The following ADGRG7 variants were observed in gnomAD, a reference collection of about 807,000 sequenced individuals.
ADGRG7 encodes the protein G-protein coupled receptor 128.
In ADGRG7, 82 loss-of-function variants were observed where a neutral mutation model predicts 88.6. That is an observed-to-expected ratio of 0.93 (90% confidence interval 0.77 to 1.11). ADGRG7 has a LOEUF of 1.11. ADGRG7 is among the 50% of genes most tolerant of loss of function. ADGRG7 has a pLI of 0.00. For synonymous variants in ADGRG7, 381 were observed against 345.2 expected (o/e 1.10, Z -1.15); for missense variants, 945 against 953.4 (o/e 0.99, Z 0.12).
intron 15 of ADGRG7, among the ~76,000 whole-genome samples, chr3:100,689,805 A>C (rs1318461411): frequency 6.6e-6 from 1 of 152,076 alleles, no homozygotes; most frequent in Non-Finnish European, 1.5e-5. Context: ...GCTGCCCTTA[A>C]CATTTTTTCC....
chr3:100,623,418 T>C (rs575709236), intron 1 of ADGRG7, among the ~76,000 whole-genome samples: 4 of 152,248 alleles, frequency 2.6e-5, no homozygotes, highest in Non-Finnish European at 4.4e-5. Flanking sequence ...TTCTACTTCA[T>C]TGATGTATTT....
chr3:100,687,282 A>C (rs1334035738), intron 15 of ADGRG7, among the ~76,000 whole-genome samples: 4 of 152,194 alleles, frequency 2.6e-5, no homozygotes, highest in Admixed American at 6.5e-5. Context: ...TTGGGCTGAG[A>C]TGATGGGGTT....
chr3:100,658,271 T>C (rs1446091255), intron 13 of ADGRG7, among the ~76,000 whole-genome samples: 1 of 152,220 alleles, frequency 6.6e-6, no homozygotes, highest in Admixed American at 6.5e-5. Flanking sequence ...CCTCTCCTGG[T>C]CCAAACTATC....
At chr3:100,621,419 A>G (rs1217775532) in intron 1 of ADGRG7, among the ~76,000 whole-genome samples, 2 of 152,240 alleles carry the variant, frequency 1.3e-5, no homozygotes, top group Admixed American at 1.3e-4. Flanking sequence ...GTGAACACAC[A>G]AATGGTAAGA....
At chr3:100,686,131 A>G (rs951210895) in intron 15 of ADGRG7, among the ~76,000 whole-genome samples, 46 of 151,418 alleles carry the variant, frequency 3.0e-4, no homozygotes, top group Non-Finnish European at 4.7e-4. Context: ...GCCAGTGATG[A>G]TGAGCATTTT....
At chr3:100,653,468 A>G (rs951885549) in intron 11 of ADGRG7, among the ~76,000 whole-genome samples, 1 of 152,238 alleles carries the variant, frequency 6.6e-6, no homozygotes, top group Non-Finnish European at 1.5e-5. Flanking sequence ...ACTAATGTGC[A>G]GAGTTTTCTA....
chr3:100,659,600 TG>T, intron 13 of ADGRG7, 87 bp from the exon 14 acceptor site: 1 of 1,117,680 alleles, frequency 8.9e-7, no homozygotes, highest in Non-Finnish European at 1.3e-6. Context: ...ATCTTTCAGT[TG>T]AGTGAATGTC....
intron 1 of ADGRG7, among the ~76,000 whole-genome samples, chr3:100,618,160 G>T (rs1182297225): frequency 6.6e-6 from 1 of 152,140 alleles, no homozygotes; most frequent in Non-Finnish European, 1.5e-5. Flanking sequence ...CTCCCATTCT[G>T]TAGGTTGCCT....
chr3:100,639,766 G>C (rs1030319459), intron 6 of ADGRG7, among the ~76,000 whole-genome samples: 1 of 152,068 alleles, frequency 6.6e-6, no homozygotes, highest in Non-Finnish European at 1.5e-5. Context: ...AAAAAGATAG[G>C]AACATTTTCC....
chr3:100,646,906 C>T (rs1262405667), intron 10 of ADGRG7, among the ~76,000 whole-genome samples, 182 bp downstream of exon 10: 5 of 152,082 alleles, frequency 3.3e-5, no homozygotes, highest in Admixed American at 3.3e-4. Context: ...ACGCCTGTAA[C>T]CCCAGAACTT....
chr3:100,692,367 A>G (rs1160050011), intron 15 of ADGRG7, among the ~76,000 whole-genome samples: 1 of 152,212 alleles, frequency 6.6e-6, no homozygotes, highest in Admixed American at 6.5e-5. Flanking sequence ...TAAGTAGGGT[A>G]AGCCTCATCT....
chr3:100,646,023 A>G lies in ADGRG7; in HGVS notation c.1025A>G (p.Asp342Gly). Reference protein sequence around the residue: ...FQSKTFTAKSDFSQKIISSKT... With the variant: ...FQSKTFTAKSGFSQKIISSKT... ...TCAAAAACTTTTACAGCTAAATCGGATTTTAGTCAAAAAATTATCTCAAGC... is the reference window on the plus strand; with the variant it reads ...TCAAAAACTTTTACAGCTAAATCGGGTTTTAGTCAAAAAATTATCTCAAGC... Residue 342 changes from aspartate (D) to glycine (G), a missense_variant, in exon 9 of 16, where the codon GAT becomes GGT. By Grantham distance (94) the Asp-to-Gly change is moderately conservative. Coordinates refer to ENST00000273352, the MANE Select transcript of ADGRG7 (RefSeq NM_032787.3). The G allele has an allele frequency of 6.2e-7, 1 of 1,614,046 alleles. No homozygotes were observed. The highest frequency in any genetic ancestry group is 8.5e-7 in the Non-Finnish European group (1 of 1,179,946).
At chr3:100,631,330 C>G (rs1203914517) in intron 3 of ADGRG7, among the ~76,000 whole-genome samples, 1 of 152,140 alleles carries the variant, frequency 6.6e-6, no homozygotes, top group Non-Finnish European at 1.5e-5. Flanking sequence ...TAGAGGCATT[C>G]AGAGAGTGAA....
intron 15 of ADGRG7, among the ~76,000 whole-genome samples, chr3:100,674,290 T>C (rs2094962169): frequency 1.3e-5 from 2 of 152,212 alleles, no homozygotes; most frequent in African/African-American, 4.8e-5. Flanking sequence ...TGTGGTTCCA[T>C]ATAAATTTTA....
At chr3:100,677,762 T>C (rs769356404) in intron 15 of ADGRG7, among the ~76,000 whole-genome samples, 1 of 152,162 alleles carries the variant, frequency 6.6e-6, no homozygotes, top group Non-Finnish European at 1.5e-5. Flanking sequence ...TTTTGGGCTA[T>C]AAGGTTTCTA....
intron 15 of ADGRG7, among the ~76,000 whole-genome samples, chr3:100,685,448 A>C (rs2094980423): frequency 6.6e-6 from 1 of 152,098 alleles, no homozygotes; most frequent in African/African-American, 2.4e-5. Flanking sequence ...ATATGTATAC[A>C]TGTGCCATGT....
intron 1 of ADGRG7, among the ~76,000 whole-genome samples, chr3:100,620,498 C>T (rs1316452596): frequency 6.6e-6 from 1 of 152,188 alleles, no homozygotes; most frequent in Non-Finnish European, 1.5e-5. Context: ...AAAACTGGCA[C>T]AAGACAGGGA....
At chr3:100,670,188 T>A (rs1145335) in intron 15 of ADGRG7, among the ~76,000 whole-genome samples, 75,696 of 151,836 alleles carry the variant, frequency 0.5, 20,614 homozygotes, top group Middle Eastern at 0.66. Flanking sequence ...CTGGTAACAA[T>A]CATTCTACTC....
At chr3:100,670,332 G>A (rs1454169922) in intron 15 of ADGRG7, among the ~76,000 whole-genome samples, 1 of 152,176 alleles carries the variant, frequency 6.6e-6, no homozygotes, top group Non-Finnish European at 1.5e-5. Flanking sequence ...TGTTACAAAT[G>A]ACAGGATCTC....
Sources: allele counts gnomAD v4.1 joint callset (sites outside exome capture counted in the v4.1 genomes callset), GRCh38; gene constraint gnomAD v4.1.1; transcripts MANE v1.5; gene names NCBI Gene and HGNC (gene_info 2026-07-23, HGNC 2026-07-21).